The following IFIT2 variants were observed in gnomAD, a reference collection of about 807,000 sequenced individuals.
IFIT2 encodes the protein interferon induced protein with tetratricopeptide repeats 2, also known as interferon-induced protein with tetratricopeptide repeats 2.
In IFIT2, 3 loss-of-function variants were observed where a neutral mutation model predicts 2.5. The ratio of observed to expected loss-of-function variants is 1.21; its 90% CI spans 0.55 to 3.14. IFIT2 has a LOEUF of 3.14. Ranked by LOEUF, IFIT2 falls within the 30% of genes most tolerant of loss-of-function variation. IFIT2 has a pLI of 0.03. For missense variants in IFIT2, 493 were observed against 558.9 expected, an observed-to-expected ratio of 0.88 and a Z score of 1.19; for synonymous variants, 212 against 200.7, an observed-to-expected ratio of 1.06 and a Z score of -0.48.
Position 89,307,189 on chromosome 10 carries a change from G to A in IFIT2, c.1233G>A (p.Met411Ile). ...AGAAATCAAGGGAGAAAGAAAAGAT[G>A]AAAGACAAACTGCAAAAAATTGCCA... ...INQKSREKEK[M>I]KDKLQKIAKM... Residue 411 changes from methionine to isoleucine, a missense_variant, in exon 2 of 2, where the codon ATG becomes ATA. Met to Ile is a conservative substitution (Grantham distance 10). Coordinates refer to ENST00000371826, the MANE Select transcript of IFIT2 (RefSeq NM_001547.5). The A allele has an allele frequency of 6.2e-7, 1 of 1,613,984 alleles. No individual in the cohort carries two copies. Among genetic ancestry groups the A allele is most frequent in the Non-Finnish European group, 8.5e-7 (1 of 1,179,952 alleles).
rs1843470156 is a variant in IFIT2, at chr10:89,305,092, T to TG, written c.6-863dup. On this transcript the variant is annotated intron_variant, in intron 1 of 1. Coordinates refer to ENST00000371826, the MANE Select transcript of IFIT2 (RefSeq NM_001547.5). ...ATCACCAGTTTAAGAAATAGAGGTA[T>TG]GGGGGGGAGGGGAGGAAAAAAAATT... is the stretch of plus-strand genomic sequence containing the variant. 5.3e-5 allele frequency among the ~76,000 whole-genome samples: 8 copies of TG among 150,824 alleles called. No individual in the cohort carries two copies. The South Asian group carries it at 1.5e-3, about 28-fold the overall frequency.
In IFIT2 at chr10:89,307,193, G is replaced by A; in HGVS notation, c.1237G>A (p.Asp413Asn). The stretch of plus-strand genomic sequence containing the variant: ...ATCAAGGGAGAAAGAAAAGATGAAA[G>A]ACAAACTGCAAAAAATTGCCAAAAT... ...QKSREKEKMK[D>N]KLQKIAKMRL... The change falls in exon 2 of 2, where the codon GAC becomes AAC. Residue 413 changes from aspartate to asparagine, a missense_variant. Physicochemically the swap from Asp to Asn is conservative, Grantham distance 23. Transcript: ENST00000371826. 3.7e-6 allele frequency: 6 copies of A among 1,613,944 alleles called. No individual in the cohort carries two copies. The highest frequency in any genetic ancestry group is 5.1e-6 in the Non-Finnish European group (6 of 1,179,916).
rs1843475441 is a variant in IFIT2 at position 89,306,002 on chromosome 10, C to T, written c.46C>T (p.Leu16=). Residue 16 remains leucine (L), a synonymous_variant, in exon 2 of 2, where the codon CTA becomes TTA. Transcript: ENST00000371826. ...KNSLESSLRQ[L]KCHFTWNLME... Reference sequence around the variant, plus strand: ...TTCCTTGGAGAGCAGCCTACGGCAACTAAAATGCCATTTCACCTGGAACTT... The same window carrying T: ...TTCCTTGGAGAGCAGCCTACGGCAATTAAAATGCCATTTCACCTGGAACTT... 1.2e-6 allele frequency: 2 copies of T among 1,613,922 alleles called. No individual in the cohort carries two copies. Among genetic ancestry groups the T allele is most frequent in the South Asian group, 1.1e-5 (1 of 91,076 alleles).
rs375168880 is a variant in IFIT2, at chr10:89,306,239, G to A, written c.283G>A (p.Val95Ile). The A allele has an allele frequency of 4.6e-5, 74 of 1,614,006 alleles. No individual in the cohort carries two copies. The highest frequency in any genetic ancestry group is 6.7e-5 in the Admixed American group (4 of 59,988). Reference protein sequence around the residue: ...HADQAEIRSLVTWGNYAWVYY... With the variant: ...HADQAEIRSLITWGNYAWVYY... ...TGACCAGGCAGAAATCAGAAGTCTG[G>A]TCACCTGGGGAAACTATGCCTGGGT... is the stretch of plus-strand genomic sequence containing the variant. The change falls in exon 2 of 2, where the codon GTC (valine) becomes ATC (isoleucine). Residue 95 changes from valine to isoleucine, a missense_variant. By Grantham distance (29) the Val-to-Ile change is conservative. Coordinates refer to ENST00000371826, the MANE Select transcript of IFIT2 (RefSeq NM_001547.5).
chr10:89,302,114 C>G lies in IFIT2; in HGVS notation c.-10C>G. 1 of 1,613,936 alleles carries G rather than the reference C, an allele frequency of 6.2e-7. No homozygotes were observed. ...AGCCCTGCCGAACAGCTGAGAATTG[C>G]ACTGCAACCATGAGGTAAATATTTT... On this transcript the variant is annotated 5_prime_UTR_variant, in exon 1 of 2. Coordinates refer to ENST00000371826, the MANE Select transcript of IFIT2 (RefSeq NM_001547.5).
rs1843484006 is a variant in IFIT2, at chr10:89,306,859, A to G, written c.903A>G (p.Leu301=). The G allele has an allele frequency of 1.2e-6, 2 of 1,614,012 alleles. No homozygotes were observed. Among genetic ancestry groups the G allele is most frequent in the Admixed American group, 1.7e-5 (1 of 60,004 alleles). ...YRAKVFQVMN[L]RENGMYGKRK... is the part of the protein sequence containing the mutation. The stretch of plus-strand genomic sequence containing the variant: ...CAAAAGTCTTCCAAGTAATGAATCT[A>G]AGAGAGAATGGAATGTATGGGAAAA... Residue 301 remains leucine, a synonymous_variant, in exon 2 of 2, where the codon CTA becomes CTG. Coordinates refer to ENST00000371826, the MANE Select transcript of IFIT2 (RefSeq NM_001547.5).
intron 1 of IFIT2, among the ~76,000 whole-genome samples, chr10:89,304,900 A>T (rs7920187): frequency 0.027 from 4,176 of 152,172 alleles, 218 homozygotes; most frequent in African/African-American, 0.095. Context: ...TCTTTCTATA[A>T]GAAAAGGAGC....
intron 1 of IFIT2, among the ~76,000 whole-genome samples, chr10:89,302,800 T>C (rs919631814): frequency 6.6e-6 from 1 of 152,090 alleles, no homozygotes; most frequent in African/African-American, 2.4e-5. Flanking sequence ...TGTTAGCTCA[T>C]TGAATAGGAA....
rs776131315 is a variant in IFIT2 at position 89,307,752 on chromosome 10, T to C, written c.*377T>C. On this transcript the variant is annotated 3_prime_UTR_variant, in exon 2 of 2. Coordinates refer to ENST00000371826, the MANE Select transcript of IFIT2 (RefSeq NM_001547.5). ...GTAATATTGAAGTCCATTTTTGCAA[T>C]GTTGTTCCATACTTGGAGTCATTTT... 19 of 183,556 alleles carry C rather than the reference T, an allele frequency of 1.0e-4. No homozygotes were observed. Among genetic ancestry groups the C allele is most frequent in the Non-Finnish European group, 1.7e-4 (14 of 84,652 alleles). The allele number at this position is 183,556 out of a possible 1,614,324, so 11.4% of individuals were successfully genotyped here. A position where few individuals can be genotyped will look rare whatever the true frequency, so the allele number is the denominator to read the frequency against.
chr10:89,307,323 G>T lies in IFIT2; in HGVS notation c.1367G>T (p.Gly456Val). 2 of 1,612,726 alleles carry T rather than the reference G, an allele frequency of 1.2e-6. No homozygotes were observed. The highest frequency in any genetic ancestry group is 1.7e-6 in the Non-Finnish European group (2 of 1,178,900). The change falls in exon 2 of 2, where the codon GGT becomes GTT. Residue 456 changes from glycine to valine, a missense_variant. Gly to Val is a moderately radical substitution (Grantham distance 109). Transcript: ENST00000371826. ...CAAGCAGATGAAGACTCTGAGAGGG[G>T]TTTGGAGTCTGGAAGCCTCATCCCT... ...MQQADEDSER[G>V]LESGSLIPSA...
chr10:89,305,479 T>A (rs1843472316), intron 1 of IFIT2, among the ~76,000 whole-genome samples: 1 of 152,074 alleles, frequency 6.6e-6, no homozygotes, highest in African/African-American at 2.4e-5. Flanking sequence ...TGAAGCTGCA[T>A]TTCGGAGGGA....
chr10:89,306,831 G>A lies in IFIT2; in HGVS notation c.875G>A (p.Arg292Lys), dbSNP rs758825312. The stretch of plus-strand genomic sequence containing the variant: ...CATTGCCAAATTGGGTGCTGCTATA[G>A]GGCAAAAGTCTTCCAAGTAATGAAT... The part of the protein sequence containing the change: ...YLHCQIGCCY[R>K]AKVFQVMNLR... The change falls in exon 2 of 2, where the codon AGG becomes AAG. Residue 292 changes from arginine (R) to lysine (K), a missense_variant. Physicochemically the swap from Arg to Lys is conservative, Grantham distance 26 (BLOSUM62 2). Coordinates refer to ENST00000371826, the MANE Select transcript of IFIT2 (RefSeq NM_001547.5). The A allele has an allele frequency of 4.3e-6, 7 of 1,614,040 alleles. No individual in the cohort carries two copies. The South Asian group carries it at 5.5e-5, about 13-fold the overall frequency.
intron 1 of IFIT2, among the ~76,000 whole-genome samples, chr10:89,304,999 A>C (rs1168197453): frequency 2.5e-4 from 38 of 152,134 alleles, no homozygotes. Context: ...AATTTCAAAA[A>C]AAAAATTAAA....
In IFIT2 at chr10:89,306,850, A is replaced by G; in HGVS notation, c.894A>G (p.Val298=). The G allele has an allele frequency of 6.2e-7, 1 of 1,614,114 alleles. No individual in the cohort carries two copies. The highest frequency in any genetic ancestry group is 8.5e-7 in the Non-Finnish European group (1 of 1,179,970). ...GCCYRAKVFQ[V]MNLRENGMYG... ...GCTATAGGGCAAAAGTCTTCCAAGT[A>G]ATGAATCTAAGAGAGAATGGAATGT... Residue 298 remains valine (V), a synonymous_variant, in exon 2 of 2, where the codon GTA becomes GTG. Transcript: ENST00000371826.
chr10:89,306,893 C>A lies in IFIT2; in HGVS notation c.937C>A (p.Leu313Met), dbSNP rs774089331. The A allele has an allele frequency of 1.2e-6, 2 of 1,614,038 alleles. No individual in the cohort carries two copies. Among genetic ancestry groups the A allele is most frequent in the Non-Finnish European group, 1.7e-6 (2 of 1,179,958 alleles). Reference protein sequence around the residue: ...ENGMYGKRKLLELIGHAVAHL... With the variant: ...ENGMYGKRKLMELIGHAVAHL... Reference sequence around the variant, plus strand: ...TGGAATGTATGGGAAAAGAAAGTTACTGGAACTAATAGGACACGCTGTGGC... The same window carrying A: ...TGGAATGTATGGGAAAAGAAAGTTAATGGAACTAATAGGACACGCTGTGGC... The change falls in exon 2 of 2, where the codon CTG becomes ATG. Residue 313 changes from leucine (L) to methionine (M), a missense_variant. By Grantham distance (15) the Leu-to-Met change is conservative (BLOSUM62 2). Coordinates refer to ENST00000371826, the MANE Select transcript of IFIT2 (RefSeq NM_001547.5).
In IFIT2 at chr10:89,306,963, T is replaced by A. The variant is rs1424538260; in HGVS notation, c.1007T>A (p.Val336Asp). 1 of 1,614,060 alleles carries A rather than the reference T, an allele frequency of 6.2e-7. No individual in the cohort carries two copies. Among genetic ancestry groups the A allele is most frequent in the Non-Finnish European group, 8.5e-7 (1 of 1,179,978 alleles). ...GAGGCCAATGATAATCTCTTCCGTG[T>A]CTGTTCCATTCTTGCCAGCCTCCAT... ...ADEANDNLFR[V>D]CSILASLHAL... The change falls in exon 2 of 2, where the codon GTC (valine) becomes GAC (aspartate). Residue 336 changes from valine to aspartate, a missense_variant. Physicochemically the swap from Val to Asp is radical, Grantham distance 152 (BLOSUM62 -3). Coordinates refer to ENST00000371826, the MANE Select transcript of IFIT2 (RefSeq NM_001547.5).
Position 89,306,165 on chromosome 10 carries a change from C to G in IFIT2, c.209C>G (p.Ala70Gly), listed in dbSNP as rs779805899. The change falls in exon 2 of 2, where the codon GCC becomes GGC. Residue 70 changes from alanine (A) to glycine (G), a missense_variant. Physicochemically the swap from Ala to Gly is moderately conservative, Grantham distance 60. Transcript: ENST00000371826. ...LKHLKGQNEA[A>G]LECLRKAEEL... ...CACCTCAAAGGGCAAAACGAGGCAG[C>G]CCTGGAATGCTTACGTAAAGCTGAA... 2 of 1,614,110 alleles carry G rather than the reference C, an allele frequency of 1.2e-6. No individual in the cohort carries two copies. The highest frequency in any genetic ancestry group is 1.3e-5 in the African/African-American group (1 of 75,022).
chr10:89,305,530 A>C (rs1322388203), intron 1 of IFIT2, among the ~76,000 whole-genome samples: 1 of 152,186 alleles, frequency 6.6e-6, no homozygotes, highest in Non-Finnish European at 1.5e-5. Flanking sequence ...TAAAAGAATA[A>C]AAAATTATAA....
chr10:89,304,508 T>G (rs1843465768), intron 1 of IFIT2, among the ~76,000 whole-genome samples: 1 of 152,142 alleles, frequency 6.6e-6, no homozygotes, highest in African/African-American at 2.4e-5. Context: ...CCTGCCACAT[T>G]GCATGACATT....
Sources: gnomAD v4.1 joint callset for allele counts (sites outside exome capture counted in the v4.1 genomes callset) on GRCh38, gnomAD v4.1.1 for gene constraint, MANE v1.5 for transcripts, NCBI Gene and HGNC (gene_info 2026-07-23, HGNC 2026-07-21) for gene names.